NCAM2: variants seen among roughly 807,000 people sequenced by gnomAD.
The protein encoded by NCAM2 is neural cell adhesion molecule 2.
Under a neutral mutation model 98.1 loss-of-function variants are expected in NCAM2, and 30 were observed. That is an observed-to-expected ratio of 0.31 (90% CI 0.23 to 0.41). NCAM2 has a LOEUF of 0.41. Ranked by LOEUF, NCAM2 falls within the 10% of genes least tolerant of loss-of-function variation. The pLI is 1.00. For missense variants in NCAM2, 867 were observed against 1,005.8 expected, an observed-to-expected ratio of 0.86 and a Z score of 1.87; for synonymous variants, 368 against 342.4, an observed-to-expected ratio of 1.07 and a Z score of -0.83.
chr21:21,335,569 G>C lies in NCAM2; in HGVS notation c.802G>C (p.Val268Leu). The change falls in exon 7 of 18, where the codon GTC becomes CTC. Residue 268 changes from valine (V) to leucine (L), a missense_variant. By Grantham distance (32) the Val-to-Leu change is conservative. Coordinates refer to ENST00000400546, the MANE Select transcript of NCAM2 (RefSeq NM_004540.5). Reference sequence around the variant, plus strand: ...GAAAGGGAGCAATACAGAACTCACTGTCAGGAACATAATCAATAGTGATGG... The same window carrying C: ...GAAAGGGAGCAATACAGAACTCACTCTCAGGAACATAATCAATAGTGATGG... ...ILKGSNTELT[V>L]RNIINSDGGP... The C allele has an allele frequency of 6.2e-7, 1 of 1,611,452 alleles. No individual in the cohort carries two copies. Among genetic ancestry groups the C allele is most frequent in the Non-Finnish European group, 8.5e-7 (1 of 1,178,654 alleles).
chr21:21,237,926 A>G (rs534980344), intron 1 of NCAM2, among the ~76,000 whole-genome samples: 48 of 140,512 alleles, frequency 3.4e-4, no homozygotes, highest in African/African-American at 1.3e-3. Context: ...TCTTTGTTAA[A>G]TTTTGTCCAG....
intron 1 of NCAM2, among the ~76,000 whole-genome samples, chr21:21,224,732 C>G (rs1020131221): frequency 2.6e-5 from 4 of 151,988 alleles, no homozygotes; most frequent in Non-Finnish European, 5.9e-5. Context: ...TATTGGGAAG[C>G]CTATTGTAAA....
At chr21:21,433,854 T>A (rs928272978) in intron 12 of NCAM2, among the ~76,000 whole-genome samples, 2 of 151,906 alleles carry the variant, frequency 1.3e-5, no homozygotes, top group Non-Finnish European at 2.9e-5. Context: ...AAAAAGGCAT[T>A]ATTTCCTAAA....
intron 1 of NCAM2, among the ~76,000 whole-genome samples, chr21:21,194,885 T>C (rs1223831950): frequency 6.6e-6 from 1 of 152,294 alleles, no homozygotes; most frequent in South Asian, 2.1e-4. Flanking sequence ...TAGAAGTTTG[T>C]ACCCTTTGAC....
At chr21:21,067,468 T>C (rs936588219) in intron 1 of NCAM2, among the ~76,000 whole-genome samples, 1 of 152,118 alleles carries the variant, frequency 6.6e-6, no homozygotes, top group African/African-American at 2.4e-5. Flanking sequence ...ATAGGAATAA[T>C]ATGAATTACC....
chr21:21,492,799 TA>T (rs752062853), intron 15 of NCAM2, among the ~76,000 whole-genome samples: 1 of 151,918 alleles, frequency 6.6e-6, no homozygotes, highest in Non-Finnish European at 1.5e-5. Context: ...AACAAAATGT[TA>T]AAAACAAGTA....
intron 8 of NCAM2, among the ~76,000 whole-genome samples, chr21:21,361,674 A>G (rs1282003545): frequency 1.3e-5 from 2 of 151,902 alleles, no homozygotes; most frequent in Non-Finnish European, 2.9e-5. Flanking sequence ...TCTCTACTGA[A>G]CTCCAGTCTT....
chr21:21,067,277 T>A (rs148692283), intron 1 of NCAM2, among the ~76,000 whole-genome samples: 5 of 152,142 alleles, frequency 3.3e-5, no homozygotes, highest in African/African-American at 1.2e-4. Context: ...TAAAAAGTGC[T>A]CTTTTCTAGA....
At chr21:21,201,170 C>T (rs958279194) in intron 1 of NCAM2, among the ~76,000 whole-genome samples, 3 of 151,970 alleles carry the variant, frequency 2.0e-5, no homozygotes, top group East Asian at 1.9e-4. Flanking sequence ...TTGCCATACA[C>T]GTGTATAATT....
intron 10 of NCAM2, among the ~76,000 whole-genome samples, chr21:21,416,479 A>C (rs2076995775): frequency 6.6e-6 from 1 of 151,590 alleles, no homozygotes; most frequent in Non-Finnish European, 1.5e-5. Context: ...GGATTGCTAC[A>C]AACCTTCAAT....
chr21:21,125,398 G>T (rs112485970), intron 1 of NCAM2, among the ~76,000 whole-genome samples: 4 of 143,016 alleles, frequency 2.8e-5, no homozygotes, highest in East Asian at 2.0e-4. Context: ...ACATATATAT[G>T]TAATATATAA....
intron 8 of NCAM2, among the ~76,000 whole-genome samples, chr21:21,340,937 T>A (rs565713581): frequency 1.2e-4 from 18 of 152,034 alleles, no homozygotes; most frequent in Non-Finnish European, 2.2e-4. Context: ...TACCCTCTTG[T>A]TATAAGGAAG....
chr21:21,190,114 G>A (rs1435547453), intron 1 of NCAM2, among the ~76,000 whole-genome samples: 1 of 152,170 alleles, frequency 6.6e-6, no homozygotes, highest in African/African-American at 2.4e-5. Context: ...CATTCACTGG[G>A]GAAGAAGGGA....
intron 1 of NCAM2, among the ~76,000 whole-genome samples, chr21:21,224,270 T>C (rs1274308654): frequency 1.3e-5 from 2 of 152,212 alleles, no homozygotes; most frequent in African/African-American, 4.8e-5. Flanking sequence ...TTTTGTTTGC[T>C]GTGAGAGTTA....
At chr21:21,125,037 G>T (rs950791897) in intron 1 of NCAM2, among the ~76,000 whole-genome samples, 1 of 151,918 alleles carries the variant, frequency 6.6e-6, no homozygotes, top group South Asian at 2.1e-4. Flanking sequence ...AAACTCACCA[G>T]TTTCTAAGTG....
At chr21:21,368,455 G>A (rs1457459455) in intron 8 of NCAM2, among the ~76,000 whole-genome samples, 1 of 151,620 alleles carries the variant, frequency 6.6e-6, no homozygotes, top group Non-Finnish European at 1.5e-5. Context: ...CACCATCTTA[G>A]TCTGTTCACG....
intron 1 of NCAM2, among the ~76,000 whole-genome samples, chr21:21,090,080 T>A (rs189351310): frequency 6.6e-6 from 1 of 152,198 alleles, no homozygotes; most frequent in East Asian, 1.9e-4. Context: ...ACCTGTAGCA[T>A]CGGCAGCAAC....
intron 1 of NCAM2, among the ~76,000 whole-genome samples, chr21:21,121,946 A>G (rs1427268048): frequency 6.6e-6 from 1 of 152,258 alleles, no homozygotes. Flanking sequence ...TGAATCCAAA[A>G]GAGTTATTCT....
chr21:21,393,093 T>G (rs1439523143), intron 9 of NCAM2, among the ~76,000 whole-genome samples: 1 of 152,146 alleles, frequency 6.6e-6, no homozygotes, highest in African/African-American at 2.4e-5. Context: ...TACATATAAG[T>G]CTTTCATCCA....
Sources: gnomAD v4.1 joint callset for allele counts (sites outside exome capture counted in the v4.1 genomes callset) on GRCh38, gnomAD v4.1.1 for gene constraint, MANE v1.5 for transcripts, NCBI Gene and HGNC (gene_info 2026-07-23, HGNC 2026-07-21) for gene names.